MPHOSPH9: variants seen among roughly 807,000 people sequenced by gnomAD.
The protein encoded by MPHOSPH9 is M-phase phosphoprotein 9.
In MPHOSPH9, 88 loss-of-function variants were observed where a neutral mutation model predicts 145.5. That is an observed-to-expected ratio of 0.60 (90% CI 0.51 to 0.72). The LOEUF is 0.72. Among genes scored for constraint, MPHOSPH9 ranks in the 30% least tolerant of loss-of-function variants. The probability of loss-of-function intolerance (pLI) is 0.00; values close to 1 mark genes in which losing one functional copy is unlikely to be tolerated. For missense variants in MPHOSPH9, 1,238 were observed against 1,386.6 expected (o/e 0.89, Z 1.70); for synonymous variants, 435 against 486.2 (o/e 0.89, Z 1.39).
chr12:123,184,939 G>T (rs1466239960), intron 13 of MPHOSPH9, among the ~76,000 whole-genome samples: 1 of 152,080 alleles, frequency 6.6e-6, no homozygotes, highest in African/African-American at 2.4e-5. Context: ...GAGTAGCTGG[G>T]ATTATAGATG....
At chr12:123,152,730 G>A, downstream of MPHOSPH9, 1 of 350,580 alleles carries the variant, frequency 2.9e-6, no homozygotes, top group Non-Finnish European at 5.7e-6. Context: ...CTCTTGGCAG[G>A]GCAGGAAATT....
chr12:123,179,114 T>C (rs966834103), intron 15 of MPHOSPH9, among the ~76,000 whole-genome samples: 2 of 152,204 alleles, frequency 1.3e-5, no homozygotes, highest in African/African-American at 2.4e-5. Flanking sequence ...CAACCATCAG[T>C]ACATTTTAAT....
intron 8 of MPHOSPH9, among the ~76,000 whole-genome samples, chr12:123,209,041 T>C (rs1021098171): frequency 3.3e-5 from 5 of 152,300 alleles, no homozygotes; most frequent in African/African-American, 1.2e-4. Context: ...CAAGTGATTC[T>C]CCTGCCTCAG....
At chr12:123,160,666 G>A in intron 23 of MPHOSPH9, 115 bp downstream of exon 23, 1 of 872,928 alleles carries the variant, frequency 1.1e-6, no homozygotes, top group East Asian at 2.7e-5. Context: ...AGTTTTGACT[G>A]CTGCTTCAGT....
intron 23 of MPHOSPH9, among the ~76,000 whole-genome samples, chr12:123,158,978 C>A (rs548313166): frequency 6.6e-6 from 1 of 152,084 alleles, no homozygotes; most frequent in Non-Finnish European, 1.5e-5. Context: ...GTAATCCCAG[C>A]TACTCAGGAG....
rs1479204771 is a variant in MPHOSPH9 at position 123,194,576 on chromosome 12, G to A, written c.2051C>T (p.Ala684Val). ...EVNDLRERFS[A>V]ASSASKILQE... ...CAAAATTTTGGAAGCACTGCTGGCT[G>A]CACTGAAGCGTTCTCTCAAATCATT... The change falls in exon 13 of 24, where the codon GCA (alanine) becomes GTA (valine). Residue 684 changes from alanine (A) to valine (V), a missense_variant. Physicochemically the swap from Ala to Val is moderately conservative, Grantham distance 64. Transcript: ENST00000606320. 2.0e-5 allele frequency: 32 copies of A among 1,601,176 alleles called. No individual in the cohort carries two copies. Among genetic ancestry groups the A allele is most frequent in the Non-Finnish European group, 2.7e-5 (32 of 1,177,272 alleles).
At chr12:123,214,304 C>T (rs1255831969) in intron 7 of MPHOSPH9, among the ~76,000 whole-genome samples, 4 of 152,094 alleles carry the variant, frequency 2.6e-5, no homozygotes, top group Non-Finnish European at 5.9e-5. Flanking sequence ...TTTGAGAAAC[C>T]GAGGCTGGTG....
chr12:123,156,531 T>A lies in MPHOSPH9; in HGVS notation c.*276A>T. 4.1e-6 allele frequency: 1 copy of A among 245,972 alleles called. No homozygotes were observed. Among genetic ancestry groups the A allele is most frequent in the Admixed American group, 5.0e-5 (1 of 20,086 alleles). 15.2% of individuals were successfully genotyped at this position (245,972 alleles called of 1,614,324 possible). On this transcript the variant is annotated 3_prime_UTR_variant, in exon 24 of 24. Transcript: ENST00000606320. ...GTTTAGAAACAAGCTGCTTCCTCTG[T>A]TTATATTTCCTTATTCTTGATATAA...
intron 1 of MPHOSPH9, among the ~76,000 whole-genome samples, chr12:123,232,476 C>G (rs2047695637): frequency 6.6e-6 from 1 of 151,764 alleles, no homozygotes; most frequent in Non-Finnish European, 1.5e-5. Context: ...TACCCCCTAG[C>G]AAAAAAAGGG....
intron 8 of MPHOSPH9, 28 bp downstream of exon 8, chr12:123,210,028 G>A (rs753051170): frequency 1.4e-5 from 21 of 1,540,518 alleles, no homozygotes; most frequent in African/African-American, 5.5e-5. Flanking sequence ...AAGCCACCGC[G>A]CCCGGCCACC....
At chr12:123,194,629 T>TC in intron 12 of MPHOSPH9, 28 bp from the exon 13 acceptor site, 2 of 1,504,500 alleles carry the variant, frequency 1.3e-6, no homozygotes, top group Non-Finnish European at 1.8e-6. Context: ...ACATAATTTT[T>TC]TTTTTTTTTT....
chr12:123,242,388 C>T (rs1208526050), intron 1 of MPHOSPH9, among the ~76,000 whole-genome samples: 1 of 152,116 alleles, frequency 6.6e-6, no homozygotes, highest in Non-Finnish European at 1.5e-5. Context: ...TCTCTTTTTT[C>T]ATGTCACAAT....
chr12:123,210,038 C>T lies in MPHOSPH9; in HGVS notation c.1194+18G>A, dbSNP rs369664734. On this transcript the variant is annotated intron_variant, in intron 8 of 23. Transcript: ENST00000606320. ...GGCGTAAGCCACCGCGCCCGGCCAC[C>T]GTGTGTTTTTAAATTACCTGGTTTG... 8.7e-5 allele frequency: 137 copies of T among 1,579,662 alleles called. No individual in the cohort carries two copies. Among genetic ancestry groups the T allele is most frequent in the East Asian group, 5.9e-4 (26 of 44,182 alleles).
chr12:123,189,769 C>T (rs1006902187), intron 13 of MPHOSPH9, among the ~76,000 whole-genome samples: 5 of 151,750 alleles, frequency 3.3e-5, no homozygotes, highest in Non-Finnish European at 7.4e-5. Flanking sequence ...CCCGTCTCTA[C>T]TAAAAATACC....
At chr12:123,168,655 T>G (rs1297150247) in intron 16 of MPHOSPH9, among the ~76,000 whole-genome samples, 1 of 152,008 alleles carries the variant, frequency 6.6e-6, no homozygotes, top group Non-Finnish European at 1.5e-5. Context: ...AACATGACTT[T>G]CTGTAACCAG....
upstream of MPHOSPH9, among the ~76,000 whole-genome samples, chr12:123,235,401 G>T (rs1358710535): frequency 2.6e-5 from 4 of 151,170 alleles, no homozygotes; most frequent in Admixed American, 2.0e-4. Flanking sequence ...TCCAAACGTA[G>T]TGAGTTTTGT....
intron 13 of MPHOSPH9, among the ~76,000 whole-genome samples, chr12:123,185,563 G>C (rs906172557): frequency 6.6e-6 from 1 of 152,096 alleles, no homozygotes; most frequent in Non-Finnish European, 1.5e-5. Context: ...GAGCAACATA[G>C]TGAGACCGCA....
At chr12:123,203,227 C>G (rs3759111) in intron 9 of MPHOSPH9, 23 bp downstream of exon 9, 1 of 1,609,980 alleles carries the variant, frequency 6.2e-7, no homozygotes, top group South Asian at 1.1e-5. Context: ...CACGTTCACT[C>G]GGCAGAATGT....
intron 17 of MPHOSPH9, 85 bp from the exon 18 acceptor site, chr12:123,165,562 G>A: frequency 1.6e-6 from 2 of 1,234,972 alleles, no homozygotes; most frequent in Non-Finnish European, 2.3e-6. Context: ...CATACATGTT[G>A]AAGCCCTAAT....
Sources: allele counts gnomAD v4.1 joint callset (sites outside exome capture counted in the v4.1 genomes callset), GRCh38; gene constraint gnomAD v4.1.1; transcripts MANE v1.5; gene names NCBI Gene and HGNC (gene_info 2026-07-23, HGNC 2026-07-21).